Variants in SYNPR observed in about 807,000 individuals in gnomAD.
SYNPR encodes the protein synaptoporin.
A neutral mutation model predicts 32.9 loss-of-function variants in SYNPR; 23 were observed. The ratio of observed to expected loss-of-function variants is 0.70; its 90% CI spans 0.50 to 0.99. The LOEUF is 0.99. Ranked by LOEUF, SYNPR falls within the 50% of genes least tolerant of loss-of-function variation. The probability of loss-of-function intolerance (pLI) is 0.00; values close to 1 mark genes in which losing one functional copy is unlikely to be tolerated. For missense variants in SYNPR, 318 were observed against 349.3 expected (o/e 0.91, Z 0.71); for synonymous variants, 146 against 135.9 (o/e 1.07, Z -0.52).
At chr3:63,607,417 T>C (rs1487029536) in intron 4 of SYNPR, among the ~76,000 whole-genome samples, 1 of 152,186 alleles carries the variant, frequency 6.6e-6, no homozygotes, top group Non-Finnish European at 1.5e-5. Flanking sequence ...CACTTGAGTT[T>C]CTTTATTCCA....
At chr3:63,335,482 A>G (rs2087280356) in intron 2 of SYNPR, among the ~76,000 whole-genome samples, 1 of 152,160 alleles carries the variant, frequency 6.6e-6, no homozygotes, top group South Asian at 2.1e-4. Context: ...CTGAAAGTCC[A>G]GGAGATTTCC....
At chr3:63,454,740 G>A (rs1700448546) in intron 2 of SYNPR, among the ~76,000 whole-genome samples, 1 of 151,836 alleles carries the variant, frequency 6.6e-6, no homozygotes, top group South Asian at 2.1e-4. Flanking sequence ...CTCTGGGGTG[G>A]CAGAGATCTC....
chr3:63,298,829 T>A (rs2086815723), intron 2 of SYNPR, among the ~76,000 whole-genome samples: 1 of 152,132 alleles, frequency 6.6e-6, no homozygotes, highest in South Asian at 2.1e-4. Context: ...TGGCTCTTAA[T>A]CCCATTGGGG....
chr3:63,585,784 C>T (rs1495906), intron 4 of SYNPR, among the ~76,000 whole-genome samples: 1,965 of 152,090 alleles, frequency 0.013, 22 homozygotes, highest in Middle Eastern at 0.024. Context: ...TTGCAATAAC[C>T]CTCTAAGACA....
intron 2 of SYNPR, among the ~76,000 whole-genome samples, chr3:63,414,911 G>A (rs767633165): frequency 2.9e-4 from 44 of 152,072 alleles, no homozygotes; most frequent in Non-Finnish European, 5.3e-4. Flanking sequence ...GTATACTTTC[G>A]TTTTATCTCT....
upstream of SYNPR, among the ~76,000 whole-genome samples, chr3:63,275,959 G>A (rs868338076): frequency 2.0e-4 from 30 of 152,006 alleles, no homozygotes; most frequent in Admixed American, 1.7e-3. Context: ...GTTATCAGTC[G>A]GCTTAGGTTA....
In SYNPR at chr3:63,476,889, C is replaced by T. The variant is rs933222739; in HGVS notation, c.85-3943C>T. On this transcript the variant is annotated intron_variant, in intron 2 of 5. Coordinates refer to ENST00000478300, the MANE Select transcript of SYNPR (RefSeq NM_001130003.2). ...ATGGTGGGTGGGAAACTTCCTTATC[C>T]TTGTCTTTTCTGTGACTATTTAATT... 2.6e-5 allele frequency among the ~76,000 whole-genome samples: 4 copies of T among 152,148 alleles called. No homozygotes were observed. The South Asian group carries it at 8.3e-4, about 32-fold the overall frequency.
intron 4 of SYNPR, among the ~76,000 whole-genome samples, chr3:63,582,592 T>C (rs1013113903): frequency 4.6e-5 from 7 of 152,218 alleles, no homozygotes; most frequent in African/African-American, 1.7e-4. Context: ...CATATATGTA[T>C]TTCTTCTTTA....
intron 3 of SYNPR, among the ~76,000 whole-genome samples, chr3:63,546,526 C>T (rs995406043): frequency 1.3e-5 from 2 of 152,170 alleles, no homozygotes; most frequent in South Asian, 2.1e-4. Context: ...CCAGCCTTAT[C>T]TTCACATGTC....
chr3:63,561,380 C>T (rs1702686347), intron 4 of SYNPR: 1 of 152,104 alleles, frequency 6.6e-6, no homozygotes, highest in Non-Finnish European at 1.5e-5. Context: ...ACTCTCTCTC[C>T]CTGGTTGCAT....
chr3:63,332,108 G>C (rs2087237253), intron 2 of SYNPR, among the ~76,000 whole-genome samples: 1 of 152,178 alleles, frequency 6.6e-6, no homozygotes, highest in Non-Finnish European at 1.5e-5. Context: ...TTCAGAAGAA[G>C]ACCTATAGTG....
intron 2 of SYNPR, among the ~76,000 whole-genome samples, chr3:63,477,661 C>T (rs1412896167): frequency 6.6e-6 from 1 of 152,184 alleles, no homozygotes; most frequent in Non-Finnish European, 1.5e-5. Flanking sequence ...GCCTGCAAGG[C>T]CAGCTCTAGG....
chr3:63,588,213 T>C (rs1034025649), intron 4 of SYNPR, among the ~76,000 whole-genome samples: 1 of 152,064 alleles, frequency 6.6e-6, no homozygotes, highest in Non-Finnish European at 1.5e-5. Flanking sequence ...CCTTCACAGA[T>C]GGTTTGTATA....
At chr3:63,354,827 C>T (rs1012032220) in intron 2 of SYNPR, among the ~76,000 whole-genome samples, 1 of 152,212 alleles carries the variant, frequency 6.6e-6, no homozygotes, top group Non-Finnish European at 1.5e-5. Flanking sequence ...TTATGAGCTA[C>T]TGACATGCAT....
chr3:63,238,552 C>T (rs1162314150), intron 1 of SYNPR, among the ~76,000 whole-genome samples: 3 of 152,004 alleles, frequency 2.0e-5, no homozygotes, highest in African/African-American at 7.2e-5. Context: ...TGCAGAAACA[C>T]AGAACAGGAG....
chr3:63,419,963 G>T (rs1037261327), intron 2 of SYNPR, among the ~76,000 whole-genome samples: 8 of 152,170 alleles, frequency 5.3e-5, no homozygotes, highest in African/African-American at 1.9e-4. Context: ...AGCTATGATG[G>T]TTTGCATAAA....
intron 2 of SYNPR, among the ~76,000 whole-genome samples, chr3:63,256,143 G>A (rs1487131526): frequency 6.6e-6 from 1 of 152,224 alleles, no homozygotes; most frequent in Non-Finnish European, 1.5e-5. Context: ...ACCTCTGGGG[G>A]CAGGGCATAG....
intron 2 of SYNPR, among the ~76,000 whole-genome samples, chr3:63,337,544 A>C (rs1445176203): frequency 6.6e-6 from 1 of 152,234 alleles, no homozygotes; most frequent in African/African-American, 2.4e-5. Flanking sequence ...CTACGTCCAC[A>C]CAAATAAACT....
At chr3:63,287,357 G>T (rs2086695296) in intron 2 of SYNPR, among the ~76,000 whole-genome samples, 1 of 151,980 alleles carries the variant, frequency 6.6e-6, no homozygotes, top group African/African-American at 2.4e-5. Context: ...TTTAGTTGAT[G>T]AATTCTTCTT....
Sources: allele counts gnomAD v4.1 joint callset (sites outside exome capture counted in the v4.1 genomes callset), GRCh38; gene constraint gnomAD v4.1.1; transcripts MANE v1.5; gene names NCBI Gene and HGNC (gene_info 2026-07-23, HGNC 2026-07-21).